TFAP2D: variants seen among roughly 807,000 people sequenced by gnomAD.
The protein encoded by TFAP2D is transcription factor AP-2 delta.
In TFAP2D, 9 loss-of-function variants were observed where a neutral mutation model predicts 43.6. The observed-to-expected ratio is 0.21, with a 90% CI of 0.12 to 0.36. TFAP2D has a LOEUF of 0.36. TFAP2D is among the 10% of genes least tolerant of loss of function. The pLI, the probability that TFAP2D is intolerant of heterozygous loss-of-function variation, is 1.00. For missense variants in TFAP2D, 513 were observed against 561.4 expected (o/e 0.91, Z 0.87); for synonymous variants, 256 against 224.9 (o/e 1.14, Z -1.24).
At chr6:50,762,570 C>T (rs1769377696) in intron 7 of TFAP2D, among the ~76,000 whole-genome samples, 1 of 152,076 alleles carries the variant, frequency 6.6e-6, no homozygotes, top group East Asian at 1.9e-4. Flanking sequence ...TGAACTGAGC[C>T]AATTTGAGGA....
chr6:50,751,539 G>C (rs536817337), intron 7 of TFAP2D, among the ~76,000 whole-genome samples: 1 of 151,956 alleles, frequency 6.6e-6, no homozygotes, highest in South Asian at 2.1e-4. Flanking sequence ...TGAGATTAAG[G>C]TGCCGGCAGA....
intron 7 of TFAP2D, among the ~76,000 whole-genome samples, chr6:50,762,661 AT>A (rs1247269927): frequency 6.6e-6 from 1 of 152,118 alleles, no homozygotes; most frequent in Admixed American, 6.6e-5. Flanking sequence ...AAAACCATGA[AT>A]AAAATTAGGA....
intron 3 of TFAP2D, among the ~76,000 whole-genome samples, chr6:50,724,304 G>A (rs1768774048): frequency 6.6e-6 from 1 of 152,198 alleles, no homozygotes; most frequent in African/African-American, 2.4e-5. Context: ...AGCGATCACT[G>A]GAGATGAAGA....
At chr6:50,772,600 C>T (rs1396754354) in intron 7 of TFAP2D, 45 bp from the exon 8 acceptor site, 5 of 1,536,166 alleles carry the variant, frequency 3.3e-6, no homozygotes, top group Non-Finnish European at 4.5e-6. Context: ...TCACATGATA[C>T]TGCAAATCAT....
chr6:50,722,221 T>A (rs193209764), intron 3 of TFAP2D, among the ~76,000 whole-genome samples: 1 of 152,332 alleles, frequency 6.6e-6, no homozygotes, highest in Non-Finnish European at 1.5e-5. Flanking sequence ...GTGTACGCGA[T>A]TTTGCCCGCA....
chr6:50,716,953 G>GA (rs1424488128), intron 2 of TFAP2D, among the ~76,000 whole-genome samples: 2 of 152,062 alleles, frequency 1.3e-5, no homozygotes, highest in African/African-American at 2.4e-5. Flanking sequence ...CGGTGCACAA[G>GA]AAAAAAGATT....
intron 6 of TFAP2D, among the ~76,000 whole-genome samples, 179 bp downstream of exon 6, chr6:50,745,427 TACAA>T (rs1291773197): frequency 6.6e-6 from 1 of 152,166 alleles, no homozygotes; most frequent in Non-Finnish European, 1.5e-5. Context: ...AGGCAAGGTT[TACAA>T]ACTGCCCTTG....
At chr6:50,726,101 C>T (rs1178943520) in intron 3 of TFAP2D, among the ~76,000 whole-genome samples, 1 of 152,162 alleles carries the variant, frequency 6.6e-6, no homozygotes, top group African/African-American at 2.4e-5. Context: ...GAAGCCCAAC[C>T]TAGATGTAGG....
chr6:50,751,191 A>G lies in TFAP2D; in HGVS notation c.1026-20A>G, dbSNP rs773112171. On this transcript the variant is annotated intron_variant, in intron 6 of 7. Transcript: ENST00000008391. ...CTCAATTTGAAAATTTCAATTTTAAATTTGATTCTTTTATTTTAGACAAAT... is the reference window on the plus strand; with the variant it reads ...CTCAATTTGAAAATTTCAATTTTAAGTTTGATTCTTTTATTTTAGACAAAT... 21 of 1,535,014 alleles carry G rather than the reference A, an allele frequency of 1.4e-5. 1 individual carries two copies. In the East Asian group the frequency reaches 4.8e-4, roughly 35 times the overall value.
rs1769247147 is a variant in TFAP2D at position 50,755,207 on chromosome 6, G to A, written c.1139+3883G>A. On this transcript the variant is annotated intron_variant, in intron 7 of 7. Coordinates refer to ENST00000008391, the MANE Select transcript of TFAP2D (RefSeq NM_172238.4). The stretch of plus-strand genomic sequence containing the variant: ...TTATCATTTTAAACAAAAGATACAT[G>A]ATTGGCATTTCCAATTGAAACCCAA... Among the ~76,000 whole-genome samples, 3 of 151,988 alleles carry A rather than the reference G, an allele frequency of 2.0e-5. No individual in the cohort carries two copies. The South Asian group carries it at 6.2e-4, about 32-fold the overall frequency.
At chr6:50,724,490 G>C (rs376366489) in intron 3 of TFAP2D, among the ~76,000 whole-genome samples, 1 of 152,182 alleles carries the variant, frequency 6.6e-6, no homozygotes, top group Non-Finnish European at 1.5e-5. Flanking sequence ...TGCGCGCACC[G>C]GCCCAGCGCC....
At chr6:50,730,345 C>T (rs1768869041) in intron 5 of TFAP2D, among the ~76,000 whole-genome samples, 1 of 152,038 alleles carries the variant, frequency 6.6e-6, no homozygotes, top group Non-Finnish European at 1.5e-5. Flanking sequence ...ATAGTAGTCA[C>T]AATAATAACA....
intron 3 of TFAP2D, among the ~76,000 whole-genome samples, chr6:50,724,955 G>A (rs1768787350): frequency 6.6e-6 from 1 of 152,004 alleles, no homozygotes; most frequent in Non-Finnish European, 1.5e-5. Context: ...GAGCAAGTGT[G>A]AGCATCTTCA....
intron 7 of TFAP2D, among the ~76,000 whole-genome samples, chr6:50,765,302 T>C (rs1056318253): frequency 2.0e-5 from 3 of 152,226 alleles, no homozygotes; most frequent in Middle Eastern, 3.2e-3. Context: ...ATCTTGACTA[T>C]TAGAAATAAT....
chr6:50,742,031 G>A (rs193268489), intron 5 of TFAP2D, among the ~76,000 whole-genome samples: 26 of 152,214 alleles, frequency 1.7e-4, no homozygotes, highest in African/African-American at 6.3e-4. Flanking sequence ...TTTTCTGACT[G>A]TAAAATGTCT....
intron 7 of TFAP2D, among the ~76,000 whole-genome samples, chr6:50,754,344 A>ATGTG (rs146556247): frequency 3.4e-5 from 5 of 148,186 alleles, no homozygotes; most frequent in African/African-American, 1.3e-4. Flanking sequence ...GTGTGTGTGT[A>ATGTG]TGTGTGTGTG....
chr6:50,773,005 G>T lies in TFAP2D; in HGVS notation c.*141G>T. The stretch of plus-strand genomic sequence containing the variant: ...TCCATAAAAAAACAAAAATGGAAAT[G>T]AAAAATGAAACAAAAAAGGACAAAA... On this transcript the variant is annotated 3_prime_UTR_variant, in exon 8 of 8. Coordinates refer to ENST00000008391, the MANE Select transcript of TFAP2D (RefSeq NM_172238.4). 17 of 594,470 alleles carry T rather than the reference G, an allele frequency of 2.9e-5. No individual in the cohort carries two copies. The highest frequency in any genetic ancestry group is 3.7e-5 in the Non-Finnish European group (15 of 408,784). 36.8% of individuals were successfully genotyped at this position (594,470 alleles called of 1,614,324 possible).
At chr6:50,720,857 G>A (rs922299300) in intron 3 of TFAP2D, among the ~76,000 whole-genome samples, 1 of 152,174 alleles carries the variant, frequency 6.6e-6, no homozygotes, top group African/African-American at 2.4e-5. Flanking sequence ...CCGGCCTCTT[G>A]CTACTGCAAT....
chr6:50,748,263 C>T lies in TFAP2D; in HGVS notation c.1026-2948C>T, dbSNP rs115307772. The stretch of plus-strand genomic sequence containing the variant: ...GTGTTCTGAGAAGTTTCTAATTTTA[C>T]ACCAATGGTAAAGCATGAGGTATTT... On this transcript the variant is annotated intron_variant, in intron 6 of 7. Transcript: ENST00000008391. 5.6e-3 allele frequency among the ~76,000 whole-genome samples: 851 copies of T among 151,978 alleles called. 17 individuals are homozygous for T. Among genetic ancestry groups the T allele is most frequent in the African/African-American group, 0.019 (796 of 41,496 alleles).
Sources: gnomAD v4.1 joint callset for allele counts (sites outside exome capture counted in the v4.1 genomes callset) on GRCh38, gnomAD v4.1.1 for gene constraint, MANE v1.5 for transcripts, NCBI Gene and HGNC (gene_info 2026-07-23, HGNC 2026-07-21) for gene names.